The following HOMER1 variants were observed in gnomAD, a reference collection of about 807,000 sequenced individuals.
The protein encoded by HOMER1 is homer protein homolog 1.
Under a neutral mutation model 48.9 loss-of-function variants are expected in HOMER1, and 3 were observed. That is an observed-to-expected ratio of 0.06 (90% confidence interval 0.03 to 0.16). The LOEUF is 0.16. Among genes scored for constraint, HOMER1 ranks in the 10% least tolerant of loss-of-function variants. The pLI, the probability that HOMER1 is intolerant of heterozygous loss-of-function variation, is 1.00. For missense variants in HOMER1, 247 were observed against 411.4 expected, an observed-to-expected ratio of 0.60 and a Z score of 3.46; for synonymous variants, 134 against 146.4, an observed-to-expected ratio of 0.92 and a Z score of 0.61.
At chr5:79,406,233 T>G (rs1749659081) in intron 5 of HOMER1, among the ~76,000 whole-genome samples, 1 of 152,250 alleles carries the variant, frequency 6.6e-6, no homozygotes, top group South Asian at 2.1e-4. Flanking sequence ...CATATTTGGT[T>G]GGTATTTAGA....
At chr5:79,428,756 A>T (rs887814075) in intron 5 of HOMER1, among the ~76,000 whole-genome samples, 3 of 152,214 alleles carry the variant, frequency 2.0e-5, no homozygotes, top group African/African-American at 4.8e-5. Context: ...AAAACCAAAC[A>T]ACATCACTGA....
intron 5 of HOMER1, among the ~76,000 whole-genome samples, chr5:79,426,191 A>G (rs1750245746): frequency 1.3e-5 from 2 of 152,128 alleles, no homozygotes; most frequent in Admixed American, 1.3e-4. Context: ...ATATTAGTAC[A>G]GCCACTATGA....
intron 1 of HOMER1, among the ~76,000 whole-genome samples, chr5:79,507,083 C>T (rs973908909): frequency 3.3e-5 from 5 of 151,018 alleles, no homozygotes; most frequent in Non-Finnish European, 5.9e-5. Context: ...TGTGGTGGCG[C>T]GCACCAGTAG....
intron 1 of HOMER1, among the ~76,000 whole-genome samples, chr5:79,478,996 T>C (rs998333406): frequency 7.2e-5 from 11 of 152,340 alleles, no homozygotes; most frequent in African/African-American, 2.4e-4. Flanking sequence ...TAATATGGCC[T>C]ATTTTAGAAA....
chr5:79,396,837 T>C lies in HOMER1; in HGVS notation c.862A>G (p.Thr288Ala). The C allele has an allele frequency of 1.3e-6, 2 of 1,597,122 alleles. No homozygotes were observed. Among genetic ancestry groups the C allele is most frequent in the Non-Finnish European group, 1.7e-6 (2 of 1,166,606 alleles). Residue 288 changes from threonine to alanine, a missense_variant, in exon 8 of 9, where the codon ACT (threonine) becomes GCT (alanine). Physicochemically the swap from Thr to Ala is moderately conservative, Grantham distance 58. This residue lies in a region of HOMER1 where 113 missense variants were observed against 152.5 expected (regional missense o/e 0.74). Coordinates refer to ENST00000334082, the MANE Select transcript of HOMER1 (RefSeq NM_004272.5). ...RELQEQRDSLTQKLQEVEIRN... is the reference protein window; with the variant it reads ...RELQEQRDSLAQKLQEVEIRN... ...CTACAGCTCACCTGTAGTTTCTGAG[T>C]CAAAGAATCCCTCTGTTCTTGTAGT...
At chr5:79,444,655 A>G (rs892865351) in intron 4 of HOMER1, among the ~76,000 whole-genome samples, 1 of 152,232 alleles carries the variant, frequency 6.6e-6, no homozygotes, top group African/African-American at 2.4e-5. Context: ...AATGGAAGTT[A>G]CGATTAGAGA....
chr5:79,397,472 A>T (rs1749417935), intron 7 of HOMER1, 55 bp downstream of exon 7: 1 of 1,038,480 alleles, frequency 9.6e-7, no homozygotes, highest in African/African-American at 1.6e-5. Context: ...ATGGAATCTA[A>T]TACTTTGTAC....
chr5:79,418,244 A>G (rs1259746800), intron 5 of HOMER1, among the ~76,000 whole-genome samples: 1 of 152,232 alleles, frequency 6.6e-6, no homozygotes, highest in Non-Finnish European at 1.5e-5. Flanking sequence ...TGGAGATGAT[A>G]GTAAGTGAAT....
chr5:79,377,129 C>T (rs1168214084), intron 8 of HOMER1, among the ~76,000 whole-genome samples: 2 of 152,100 alleles, frequency 1.3e-5, no homozygotes, highest in African/African-American at 2.4e-5. Flanking sequence ...CCACACCTGG[C>T]TAATTTTTAT....
intron 3 of HOMER1, 56 bp from the exon 4 acceptor site, chr5:79,447,201 C>T (rs1580456666): frequency 9.7e-7 from 1 of 1,029,766 alleles, no homozygotes; most frequent in African/African-American, 1.6e-5. Flanking sequence ...ACAGTGCCCA[C>T]TTTTACCTTA....
chr5:79,446,860 C>G (rs1221957030), intron 4 of HOMER1, among the ~76,000 whole-genome samples, 193 bp downstream of exon 4: 6 of 135,722 alleles, frequency 4.4e-5, no homozygotes, highest in African/African-American at 8.5e-5. Context: ...CCCTATGTTG[C>G]TCAGGCTAGT....
intron 8 of HOMER1, among the ~76,000 whole-genome samples, chr5:79,392,913 T>C (rs983661802): frequency 6.6e-6 from 1 of 151,098 alleles, no homozygotes; most frequent in Non-Finnish European, 1.5e-5. Flanking sequence ...CATGAATACT[T>C]ACCACTGTCT....
At chr5:79,489,131 A>C (rs925096516) in intron 1 of HOMER1, among the ~76,000 whole-genome samples, 1 of 152,224 alleles carries the variant, frequency 6.6e-6, no homozygotes, top group Admixed American at 6.5e-5. Context: ...TGTTAATAGA[A>C]GATAATTACA....
intron 8 of HOMER1, among the ~76,000 whole-genome samples, chr5:79,393,719 GA>G (rs1256971923): frequency 1.3e-5 from 2 of 152,028 alleles, no homozygotes; most frequent in Non-Finnish European, 2.9e-5. Context: ...AAAGATTTAT[GA>G]AAAAGGTTGT....
At chr5:79,500,946 T>TGTGTGC (rs1474638155) in intron 1 of HOMER1, among the ~76,000 whole-genome samples, 6 of 114,500 alleles carry the variant, frequency 5.2e-5, no homozygotes, top group African/African-American at 2.4e-4. Flanking sequence ...TGTGTGTGTG[T>TGTGTGC]GTGTGTGAGA....
intron 8 of HOMER1, among the ~76,000 whole-genome samples, chr5:79,392,954 G>GGAGAGAGA (rs3082001): frequency 0.032 from 4,563 of 140,842 alleles, 188 homozygotes; most frequent in African/African-American, 0.097. Flanking sequence ...GAAGGGAAAG[G>GGAGAGAGA]GAGAGAGAGA....
At position 79,496,205 on chromosome 5, in the gene HOMER1, G is replaced by A. The variant is rs182035233; in HGVS notation, c.5+16565C>T. Reference sequence around the variant, plus strand: ...ACTGCAGAGGAGGTGTGAAGTATGCGACTGAAATGGAGGAACTGACTGAAA... The same window carrying A: ...ACTGCAGAGGAGGTGTGAAGTATGCAACTGAAATGGAGGAACTGACTGAAA... On this transcript the variant is annotated intron_variant, in intron 1 of 8. Coordinates refer to ENST00000334082, the MANE Select transcript of HOMER1 (RefSeq NM_004272.5). Among the ~76,000 whole-genome samples the A allele has an allele frequency of 5.4e-3, 819 of 152,240 alleles. 3 individuals are homozygous for A. Among genetic ancestry groups the A allele is most frequent in the Non-Finnish European group, 6.3e-3 (426 of 68,026 alleles).
rs1009181926 is a variant in HOMER1, at chr5:79,386,955, C to G, written c.876+9868G>C. On this transcript the variant is annotated intron_variant, in intron 8 of 8. Transcript: ENST00000334082. ...CTCCCTTCCTTCCTTCCTTTCCTTT[C>G]TTCCTTCCCTTCCCTTCTTCCTTCC... Among the ~76,000 whole-genome samples the G allele has an allele frequency of 2.7e-5, 3 of 110,976 alleles. No homozygotes were observed. In the Admixed American group the frequency reaches 3.0e-4, roughly 11 times the overall value. 72.8% of individuals were successfully genotyped at this position (110,976 alleles called of 152,430 possible).
At chr5:79,502,300 G>C (rs1752617830) in intron 1 of HOMER1, among the ~76,000 whole-genome samples, 2 of 152,028 alleles carry the variant, frequency 1.3e-5, no homozygotes, top group Non-Finnish European at 2.9e-5. Context: ...TTACAGACGT[G>C]AGCCACCGCG....
Sources: allele counts gnomAD v4.1 joint callset (sites outside exome capture counted in the v4.1 genomes callset), GRCh38; gene constraint gnomAD v4.1.1; regional missense constraint gnomAD v4.1.1; transcripts MANE v1.5; gene names NCBI Gene and HGNC (gene_info 2026-07-23, HGNC 2026-07-21).